ZHX2: variants seen among roughly 807,000 people sequenced by gnomAD.
ZHX2 encodes zinc fingers and homeoboxes protein 2.
A neutral mutation model predicts 21.9 loss-of-function variants in ZHX2; 6 were observed. The observed-to-expected ratio is 0.27, with a 90% CI of 0.15 to 0.54. The LOEUF is 0.54. ZHX2 is among the 20% of genes least tolerant of loss of function. The pLI, the probability that ZHX2 is intolerant of heterozygous loss-of-function variation, is 0.95. For synonymous variants in ZHX2, 434 were observed against 437.1 expected (o/e 0.99, Z 0.09); for missense variants, 908 against 1,090.7 (o/e 0.83, Z 2.36).
At chr8:122,922,373 A>G (rs1489456326) in intron 2 of ZHX2, among the ~76,000 whole-genome samples, 1 of 152,244 alleles carries the variant, frequency 6.6e-6, no homozygotes, top group Non-Finnish European at 1.5e-5. Context: ...CCACCACTAA[A>G]TATATCCACT....
intron 2 of ZHX2, among the ~76,000 whole-genome samples, chr8:122,887,399 T>A (rs1023831792): frequency 4.6e-5 from 7 of 151,196 alleles, no homozygotes; most frequent in African/African-American, 1.2e-4. Flanking sequence ...GCGCCTGTAA[T>A]CCCAGCTACT....
rs201110609 is a variant in ZHX2 at position 122,953,822 on chromosome 8, G to A, written c.2312G>A (p.Arg771Gln). The A allele has an allele frequency of 9.9e-6, 16 of 1,614,122 alleles. No individual in the cohort carries two copies. Among genetic ancestry groups the A allele is most frequent in the African/African-American group, 8.0e-5 (6 of 74,948 alleles). Residue 771 changes from arginine to glutamine, a missense_variant, in exon 3 of 4, where the codon CGG (arginine) becomes CAG (glutamine). This residue lies in a region of ZHX2 where 431 missense variants were observed against 428.6 expected (regional missense o/e 1.01). Coordinates refer to ENST00000314393, the MANE Select transcript of ZHX2 (RefSeq NM_014943.5). This position sits in a 1 kb window ranked among gnomAD's most constrained non-coding sequence, Gnocchi z 4.6. ...AAGCCCTCAGAGGCCACCTCAGACC[G>A]GTCAGAGGGCAGCAGCCGGGACGGC... is the stretch of plus-strand genomic sequence containing the variant. ...PAKPSEATSD[R>Q]SEGSSRDGQG...
At chr8:122,867,757 A>G (rs1390862686) in intron 2 of ZHX2, among the ~76,000 whole-genome samples, 1 of 152,224 alleles carries the variant, frequency 6.6e-6, no homozygotes, top group African/African-American at 2.4e-5. Flanking sequence ...CGTAGCGTGC[A>G]AACTCGCTCA....
intron 1 of ZHX2, among the ~76,000 whole-genome samples, chr8:122,816,812 A>G (rs771063820): frequency 6.6e-6 from 1 of 152,162 alleles, no homozygotes; most frequent in Admixed American, 6.5e-5. Flanking sequence ...TTAAGAGGCT[A>G]TGTTAGTCAG....
In ZHX2 at chr8:122,836,593, C is replaced by T. The variant is rs538032922; in HGVS notation, c.-282-26884C>T. On this transcript the variant is annotated intron_variant, in intron 1 of 3. Coordinates refer to ENST00000314393, the MANE Select transcript of ZHX2 (RefSeq NM_014943.5). ...CTGAGGCCTAAAATGGCATCAGCAC[C>T]AAGTGAGGACAGGGCAAAGATTTTA... Among the ~76,000 whole-genome samples the T allele has an allele frequency of 2.6e-5, 4 of 152,280 alleles. No homozygotes were observed. In the East Asian group the frequency reaches 7.7e-4, roughly 29 times the overall value.
At chr8:122,949,699 T>C (rs1481701548) in intron 2 of ZHX2, among the ~76,000 whole-genome samples, 1 of 152,014 alleles carries the variant, frequency 6.6e-6, no homozygotes, top group Non-Finnish European at 1.5e-5. Flanking sequence ...ACCCTGTCTC[T>C]ACTAAAAATA....
At chr8:122,936,099 AAAC>A (rs775710117) in intron 2 of ZHX2, among the ~76,000 whole-genome samples, 1 of 152,220 alleles carries the variant, frequency 6.6e-6, no homozygotes, top group Non-Finnish European at 1.5e-5. Context: ...GAAAAGAAAA[AAAC>A]AACGATAGAT....
intron 1 of ZHX2, among the ~76,000 whole-genome samples, chr8:122,785,719 A>G (rs2130513915): frequency 6.6e-6 from 1 of 152,300 alleles, no homozygotes; most frequent in Non-Finnish European, 1.5e-5. Context: ...TTGAGTTGGC[A>G]GGGAGGGCAT....
intron 1 of ZHX2, among the ~76,000 whole-genome samples, chr8:122,825,088 C>T (rs772053965): frequency 1.2e-4 from 19 of 152,204 alleles, no homozygotes; most frequent in Admixed American, 3.3e-4. Flanking sequence ...TGAACCTAAT[C>T]GCATCTGCAG....
chr8:122,862,772 G>A (rs1218433566), intron 1 of ZHX2, among the ~76,000 whole-genome samples: 1 of 152,196 alleles, frequency 6.6e-6, no homozygotes, highest in Non-Finnish European at 1.5e-5. Flanking sequence ...GCTGGGCGTG[G>A]GGAGTGAGAA....
At chr8:122,919,492 A>G (rs1012861087) in intron 2 of ZHX2, among the ~76,000 whole-genome samples, 2 of 152,182 alleles carry the variant, frequency 1.3e-5, no homozygotes, top group African/African-American at 2.4e-5. Context: ...TTTTTAATCA[A>G]TCATGTGCTA....
intron 1 of ZHX2, among the ~76,000 whole-genome samples, chr8:122,858,107 T>G (rs1196835382): frequency 6.6e-6 from 1 of 152,178 alleles, no homozygotes; most frequent in Non-Finnish European, 1.5e-5. Flanking sequence ...GGAAGCCGCT[T>G]GTAGCTTTCC....
At chr8:122,868,774 T>A (rs904780331) in intron 2 of ZHX2, among the ~76,000 whole-genome samples, 3 of 151,238 alleles carry the variant, frequency 2.0e-5, no homozygotes, top group African/African-American at 7.3e-5. Context: ...GCAGGAGGAT[T>A]GCATGAGACA....
intron 1 of ZHX2, among the ~76,000 whole-genome samples, chr8:122,846,549 ATTT>A (rs201581677): frequency 4.5e-5 from 5 of 111,262 alleles, no homozygotes; most frequent in African/African-American, 6.2e-5. Flanking sequence ...GACTTTGTGT[ATTT>A]TTTTTTTTTT....
At chr8:122,902,288 G>C (rs1335007981) in intron 2 of ZHX2, among the ~76,000 whole-genome samples, 1 of 152,184 alleles carries the variant, frequency 6.6e-6, no homozygotes, top group Non-Finnish European at 1.5e-5. Flanking sequence ...AAGAGGCTGA[G>C]ATCTATTAGA....
intron 1 of ZHX2, among the ~76,000 whole-genome samples, chr8:122,808,190 A>C (rs1817859694): frequency 6.6e-6 from 1 of 152,234 alleles, no homozygotes; most frequent in South Asian, 2.1e-4. Flanking sequence ...TGTGAGCACC[A>C]GATTTATATA....
intron 1 of ZHX2, among the ~76,000 whole-genome samples, chr8:122,801,404 T>A (rs921854374): frequency 3.9e-5 from 6 of 152,114 alleles, no homozygotes; most frequent in South Asian, 2.1e-4. Context: ...GGGGCTTATA[T>A]CTGAGGACCT....
chr8:122,782,918 C>T lies in ZHX2; in HGVS notation c.-283+972C>T, dbSNP rs1051358004. On this transcript the variant is annotated intron_variant, in intron 1 of 3. Transcript: ENST00000314393. This position sits in a 1 kb window ranked among gnomAD's most constrained non-coding sequence, Gnocchi z 5.3. ...GTGGCTTCCCCAGGACTTGTATCCT[C>T]GGCTTTGCAAACTTGCCCTTTTCCC... Among the ~76,000 whole-genome samples the T allele has an allele frequency of 2.0e-5, 3 of 152,216 alleles. No individual in the cohort carries two copies. Among genetic ancestry groups the T allele is most frequent in the South Asian group, 4.1e-4 (2 of 4,832 alleles).
At chr8:122,904,145 T>C (rs942983455) in intron 2 of ZHX2, among the ~76,000 whole-genome samples, 1 of 152,064 alleles carries the variant, frequency 6.6e-6, no homozygotes, top group Admixed American at 6.5e-5. Flanking sequence ...CAACCACAAA[T>C]GCTAAGGGGC....
Sources: allele counts gnomAD v4.1 joint callset (sites outside exome capture counted in the v4.1 genomes callset), GRCh38; gene constraint gnomAD v4.1.1; regional missense constraint gnomAD v4.1.1; non-coding constraint Gnocchi (gnomAD v3.1); transcripts MANE v1.5; gene names NCBI Gene and HGNC (gene_info 2026-07-23, HGNC 2026-07-21).